The following KCNIP1 variants were observed in gnomAD, a reference collection of about 807,000 sequenced individuals.
KCNIP1 encodes the protein potassium voltage-gated channel interacting protein 1, also known as A-type potassium channel modulatory protein KCNIP1.
Under a neutral mutation model 33.0 loss-of-function variants are expected in KCNIP1, and 18 were observed. That is an observed-to-expected ratio of 0.55 (90% CI 0.38 to 0.81). The LOEUF (loss-of-function observed/expected upper bound fraction) is 0.81, where lower values mean the gene tolerates loss of function less well. Ranked by LOEUF, KCNIP1 falls within the 30% of genes least tolerant of loss-of-function variation. The pLI is 0.00. For missense variants in KCNIP1, 238 were observed against 271.6 expected (o/e 0.88, Z 0.87); for synonymous variants, 93 against 98.3 (o/e 0.95, Z 0.32).
intron 1 of KCNIP1, chr5:170,378,755 GATA>G (rs1764111560): frequency 6.2e-7 from 1 of 1,614,178 alleles, no homozygotes; most frequent in Non-Finnish European, 8.5e-7. Context: ...TCACCATGGC[GATA>G]ATGAGGAGGC....
intron 1 of KCNIP1, among the ~76,000 whole-genome samples, chr5:170,411,993 T>G (rs1263810225): frequency 6.6e-6 from 1 of 152,114 alleles, no homozygotes; most frequent in Non-Finnish European, 1.5e-5. Flanking sequence ...GGGCCTAGTG[T>G]TTGGCAGTAC....
chr5:170,592,446 G>GT (rs1463566971), intron 1 of KCNIP1, among the ~76,000 whole-genome samples: 1 of 135,276 alleles, frequency 7.4e-6, no homozygotes, highest in Non-Finnish European at 1.5e-5. Flanking sequence ...GACACAGCTT[G>GT]TATTGAAACA....
At chr5:170,510,818 G>A (rs764816650) in intron 1 of KCNIP1, among the ~76,000 whole-genome samples, 3 of 151,888 alleles carry the variant, frequency 2.0e-5, no homozygotes, top group Non-Finnish European at 4.4e-5. Context: ...ATTGCATTAT[G>A]GCTATGAGCA....
In KCNIP1 at chr5:170,475,976, T is replaced by A. The variant is rs549549854; in HGVS notation, c.88+122012T>A. Among the ~76,000 whole-genome samples the A allele has an allele frequency of 5.1e-4, 78 of 152,104 alleles. 1 individual carries two copies. The South Asian group carries it at 0.016, about 31-fold the overall frequency. ...TTAGAACAATTTTGGTTTAAACTTT[T>A]TTTTTTTTTTTGAAACAGGGTCTCA... On this transcript the variant is annotated intron_variant, in intron 1 of 7. Coordinates refer to the KCNIP1 transcript ENST00000377360.
At chr5:170,467,240 C>A (rs931369252) in intron 1 of KCNIP1, among the ~76,000 whole-genome samples, 1 of 152,048 alleles carries the variant, frequency 6.6e-6, no homozygotes, top group Non-Finnish European at 1.5e-5. Context: ...CAGAGGTCGA[C>A]GTTTTTAGCT....
intron 1 of KCNIP1, among the ~76,000 whole-genome samples, chr5:170,687,185 A>AC (rs1554111651): frequency 6.9e-6 from 1 of 145,886 alleles, no homozygotes; most frequent in African/African-American, 2.5e-5. Flanking sequence ...ACCTGAGTAA[A>AC]TTTTTTTTTT....
intron 5 of KCNIP1, among the ~76,000 whole-genome samples, chr5:170,726,834 C>T (rs540741448): frequency 6.6e-6 from 1 of 151,778 alleles, no homozygotes; most frequent in East Asian, 1.9e-4. Context: ...TTGCTTAACC[C>T]TGGGGAGTGG....
At chr5:170,462,275 A>AAAAAAAAAAAAAAAT (rs1756521489) in intron 1 of KCNIP1, among the ~76,000 whole-genome samples, 1 of 148,200 alleles carries the variant, frequency 6.7e-6, no homozygotes, top group Non-Finnish European at 1.5e-5. Context: ...AAAAAAAAAA[A>AAAAAAAAAAAAAAAT]AAAAAAAAAA....
intron 1 of KCNIP1, among the ~76,000 whole-genome samples, chr5:170,442,660 T>C (rs917541621): frequency 6.6e-6 from 1 of 151,886 alleles, no homozygotes; most frequent in African/African-American, 2.4e-5. Context: ...GGAGAAGACA[T>C]CACCCCACTT....
intron 1 of KCNIP1, among the ~76,000 whole-genome samples, chr5:170,358,301 C>T (rs1763401797): frequency 1.3e-5 from 2 of 152,150 alleles, no homozygotes; most frequent in Admixed American, 6.5e-5. Context: ...AAGATGAGAT[C>T]TATCTCAAGG....
At chr5:170,691,195 C>T (rs921147638) in intron 1 of KCNIP1, among the ~76,000 whole-genome samples, 1 of 152,170 alleles carries the variant, frequency 6.6e-6, no homozygotes, top group African/African-American at 2.4e-5. Context: ...AGCCATAACC[C>T]CTAGGACTCT....
chr5:170,649,820 G>C (rs12518195), intron 1 of KCNIP1, among the ~76,000 whole-genome samples: 14,681 of 152,202 alleles, frequency 0.096, 1,327 homozygotes, highest in African/African-American at 0.24. Context: ...AGGGAGGCAA[G>C]GTGATGTCTT....
chr5:170,446,144 C>T (rs1413693110), intron 1 of KCNIP1, among the ~76,000 whole-genome samples: 2 of 152,140 alleles, frequency 1.3e-5, no homozygotes, highest in Non-Finnish European at 2.9e-5. Context: ...GTAGCTCGGC[C>T]GTCAGTCATT....
At chr5:170,505,711 A>G (rs1437085925) in intron 1 of KCNIP1, among the ~76,000 whole-genome samples, 4 of 152,164 alleles carry the variant, frequency 2.6e-5, no homozygotes, top group African/African-American at 4.8e-5. Context: ...AGAGATCTCC[A>G]TAAGTAAGCT....
chr5:170,430,532 C>T (rs573356536), intron 1 of KCNIP1, among the ~76,000 whole-genome samples: 1 of 152,348 alleles, frequency 6.6e-6, no homozygotes, highest in Non-Finnish European at 1.5e-5. Context: ...ATTGCTACTT[C>T]CTTGGCTCCT....
chr5:170,371,228 G>C (rs1359133570), intron 1 of KCNIP1, among the ~76,000 whole-genome samples: 2 of 152,162 alleles, frequency 1.3e-5, no homozygotes, highest in East Asian at 3.9e-4. Context: ...ATTTAGGCAG[G>C]TGCCAGCTGG....
intron 1 of KCNIP1, among the ~76,000 whole-genome samples, chr5:170,477,897 TC>T (rs1581228222): frequency 1.3e-5 from 2 of 152,314 alleles, no homozygotes; most frequent in East Asian, 3.9e-4. Flanking sequence ...GCCCACATCT[TC>T]ATAGATCTAT....
chr5:170,684,288 C>T (rs1258177017), intron 1 of KCNIP1, among the ~76,000 whole-genome samples: 1 of 152,126 alleles, frequency 6.6e-6, no homozygotes, highest in Non-Finnish European at 1.5e-5. Flanking sequence ...CTTAAAACAA[C>T]AAACATTTAT....
intron 1 of KCNIP1, among the ~76,000 whole-genome samples, chr5:170,459,772 C>G (rs1409399968): frequency 1.3e-5 from 2 of 152,074 alleles, no homozygotes; most frequent in African/African-American, 2.4e-5. Flanking sequence ...TAAAGTCACA[C>G]CTCAAGGAAC....
Sources: gnomAD v4.1 joint callset for allele counts (sites outside exome capture counted in the v4.1 genomes callset) on GRCh38, gnomAD v4.1.1 for gene constraint, MANE v1.5 for transcripts, NCBI Gene and HGNC (gene_info 2026-07-23, HGNC 2026-07-21) for gene names.